Variants in PARP8 observed in about 807,000 individuals in gnomAD.
PARP8 encodes poly(ADP-ribose) polymerase family member 8.
PARP8 carries 51 observed loss-of-function variants against 124.1 expected under a neutral mutation model. That is an observed-to-expected ratio of 0.41 (90% CI 0.33 to 0.52). PARP8 has a LOEUF of 0.52. Among genes scored for constraint, PARP8 ranks in the 20% least tolerant of loss-of-function variants. PARP8 has a pLI of 0.21. For missense variants in PARP8, 860 were observed against 1,018.9 expected (o/e 0.84, Z 2.12); for synonymous variants, 391 against 361.5 (o/e 1.08, Z -0.93).
At chr5:50,681,193 A>T (rs1208485931) in intron 2 of PARP8, among the ~76,000 whole-genome samples, 3 of 152,176 alleles carry the variant, frequency 2.0e-5, no homozygotes, top group African/African-American at 7.2e-5. Context: ...AATGACAAGA[A>T]CTTAATGAAT....
intron 10 of PARP8, 42 bp downstream of exon 10, chr5:50,788,631 G>T (rs1741585105): frequency 1.3e-6 from 2 of 1,503,652 alleles, no homozygotes; most frequent in South Asian, 2.3e-5. Flanking sequence ...CTGCTAAAGA[G>T]AACTGAGTTC....
At chr5:50,783,760 A>G (rs537269808) in intron 9 of PARP8, among the ~76,000 whole-genome samples, 36 of 152,328 alleles carry the variant, frequency 2.4e-4, no homozygotes, top group Admixed American at 1.8e-3. Context: ...ACTCATCTTC[A>G]TCATTTCAAT....
intron 8 of PARP8, 76 bp downstream of exon 8, chr5:50,778,205 T>C (rs1299685911): frequency 1.7e-6 from 2 of 1,153,958 alleles, no homozygotes; most frequent in African/African-American, 3.1e-5. Context: ...AAATTTAATT[T>C]TCAGTTTTGT....
At chr5:50,829,830 T>C (rs1449533922) in intron 21 of PARP8, 62 bp from the exon 22 acceptor site, 1 of 1,462,044 alleles carries the variant, frequency 6.8e-7, no homozygotes, top group African/African-American at 1.4e-5. Flanking sequence ...GATTGCTTTG[T>C]CAAATATTAT....
Position 50,794,414 on chromosome 5 carries a change from G to A in PARP8, c.863+82G>A, listed in dbSNP as rs1317000478. On this transcript the variant is annotated intron_variant, in intron 11 of 25. Coordinates refer to ENST00000281631, the MANE Select transcript of PARP8 (RefSeq NM_024615.4). ...TCATGCTTACAGCATTCTTTCTATAGTGTTGGCATCTGTTTATTTTCTTTA... is the reference window on the plus strand; with the variant it reads ...TCATGCTTACAGCATTCTTTCTATAATGTTGGCATCTGTTTATTTTCTTTA... 4 of 1,479,772 alleles carry A rather than the reference G, an allele frequency of 2.7e-6. No homozygotes were observed. The African/African-American group carries it at 5.6e-5, about 21-fold the overall frequency. The allele number at this position is 1,479,772 out of a possible 1,614,324, so 91.7% of individuals were successfully genotyped here.
chr5:50,694,421 T>G (rs1030735708), intron 2 of PARP8, among the ~76,000 whole-genome samples: 3 of 152,236 alleles, frequency 2.0e-5, no homozygotes, highest in Non-Finnish European at 4.4e-5. Context: ...TATTTGATAG[T>G]GAATTTAAAT....
intron 2 of PARP8, among the ~76,000 whole-genome samples, chr5:50,704,419 C>T (rs1198242826): frequency 3.3e-5 from 5 of 152,130 alleles, no homozygotes; most frequent in Non-Finnish European, 4.4e-5. Context: ...TAAGTGAGCA[C>T]GTGCTCACTT....
At chr5:50,759,371 A>G (rs1354121234) in intron 3 of PARP8, among the ~76,000 whole-genome samples, 10 of 152,228 alleles carry the variant, frequency 6.6e-5, no homozygotes. Context: ...ATTCATTGCC[A>G]TAAGGGATAT....
chr5:50,827,490 A>T (rs1195519142), intron 19 of PARP8, among the ~76,000 whole-genome samples: 2 of 152,194 alleles, frequency 1.3e-5, no homozygotes, highest in African/African-American at 4.8e-5. Context: ...TTATAAATAT[A>T]TGCAAATAAA....
At chr5:50,835,976 T>C (rs1473067390) in intron 25 of PARP8, among the ~76,000 whole-genome samples, 1 of 152,156 alleles carries the variant, frequency 6.6e-6, no homozygotes, top group South Asian at 2.1e-4. Flanking sequence ...TTTTGTACTT[T>C]ATGTAGTATA....
chr5:50,674,649 AT>A (rs1750407071), intron 2 of PARP8, among the ~76,000 whole-genome samples: 1 of 152,162 alleles, frequency 6.6e-6, no homozygotes, highest in Admixed American at 6.5e-5. Context: ...CCACTGATAC[AT>A]GTTTCTCATG....
chr5:50,733,470 G>T (rs1432004709), intron 2 of PARP8, among the ~76,000 whole-genome samples: 1 of 152,028 alleles, frequency 6.6e-6, no homozygotes, highest in Non-Finnish European at 1.5e-5. Context: ...AATTCTTGAT[G>T]AAGTAGTTTT....
At chr5:50,671,909 C>G (rs1340718134) in intron 2 of PARP8, among the ~76,000 whole-genome samples, 11 of 152,144 alleles carry the variant, frequency 7.2e-5, no homozygotes, top group Non-Finnish European at 1.6e-4. Context: ...ACTGGACACT[C>G]TTTTGTGTGG....
intron 2 of PARP8, among the ~76,000 whole-genome samples, chr5:50,711,555 G>C (rs1166333741): frequency 1.3e-5 from 2 of 152,102 alleles, no homozygotes; most frequent in African/African-American, 4.8e-5. Context: ...CGGGAAGTTA[G>C]CCCAGATGTA....
intron 2 of PARP8, among the ~76,000 whole-genome samples, chr5:50,717,098 T>A (rs368943997): frequency 5.3e-5 from 8 of 152,176 alleles, no homozygotes; most frequent in African/African-American, 1.7e-4. Context: ...AGATTTACTG[T>A]AGGAAAGTTA....
At position 50,747,761 on chromosome 5, in the gene PARP8, C is replaced by CTT. The variant is rs70972943; in HGVS notation, c.147-2362_147-2361dup. Among the ~76,000 whole-genome samples, 338 of 52,920 alleles carry CTT rather than the reference C, an allele frequency of 6.4e-3. 119 individuals carry two copies. Among genetic ancestry groups the CTT allele is most frequent in the African/African-American group, 9.0e-3 (172 of 19,216 alleles). The allele number at this position is 52,920 out of a possible 152,430, so 34.7% of individuals were successfully genotyped here. ...TCTCTCAAAGATAGGATAGACCTTG[C>CTT]TTTTTTTTTTTTTTTTTTTTTTTTT... On this transcript the variant is annotated intron_variant, in intron 2 of 25. Transcript: ENST00000281631.
At chr5:50,695,033 C>T (rs902514610) in intron 2 of PARP8, among the ~76,000 whole-genome samples, 3 of 152,284 alleles carry the variant, frequency 2.0e-5, no homozygotes, top group Middle Eastern at 3.4e-3. Flanking sequence ...AGATGGTACC[C>T]ACCCAGACTG....
At chr5:50,747,653 A>G (rs920521415) in intron 2 of PARP8, among the ~76,000 whole-genome samples, 1 of 149,378 alleles carries the variant, frequency 6.7e-6, no homozygotes, top group Non-Finnish European at 1.5e-5. Context: ...TTTAGTCCTC[A>G]GTCTTCTGAT....
chr5:50,667,141 G>A lies in PARP8; in HGVS notation c.46G>A (p.Val16Ile). 1.3e-6 allele frequency: 2 copies of A among 1,596,402 alleles called. No individual in the cohort carries two copies. The highest frequency in any genetic ancestry group is 2.2e-5 in the South Asian group (2 of 90,980). ...RQERIQKDIDVVIQKSRAEKD... is the reference protein window; with the variant it reads ...RQERIQKDIDIVIQKSRAEKD... The stretch of plus-strand genomic sequence containing the variant: ...AGAGCGAATTCAGAAGGATATCGAC[G>A]TCGTGATCCAGAAGTCCAGAGCTGA... The change falls in exon 1 of 26, where the codon GTC (valine) becomes ATC (isoleucine). Residue 16 changes from valine (V) to isoleucine (I), a missense_variant. By Grantham distance (29) the Val-to-Ile change is conservative (BLOSUM62 3). This residue lies in a region of PARP8 where 517 missense variants were observed against 544.2 expected (regional missense o/e 0.95). Coordinates refer to ENST00000281631, the MANE Select transcript of PARP8 (RefSeq NM_024615.4).
Sources: allele counts gnomAD v4.1 joint callset (sites outside exome capture counted in the v4.1 genomes callset), GRCh38; gene constraint gnomAD v4.1.1; regional missense constraint gnomAD v4.1.1; transcripts MANE v1.5; gene names NCBI Gene and HGNC (gene_info 2026-07-23, HGNC 2026-07-21).